Variants in R3HDM2 observed in about 807,000 individuals in gnomAD.
R3HDM2 encodes R3H domain-containing protein 2.
A neutral mutation model predicts 124.5 loss-of-function variants in R3HDM2; 38 were observed. The ratio of observed to expected loss-of-function variants is 0.31; its 90% confidence interval spans 0.24 to 0.40. The LOEUF is 0.40. Ranked by LOEUF, R3HDM2 falls within the 10% of genes least tolerant of loss-of-function variation. The probability of loss-of-function intolerance (pLI) is 1.00; values close to 1 mark genes in which losing one functional copy is unlikely to be tolerated. For synonymous variants in R3HDM2, 391 were observed against 448.0 expected, an observed-to-expected ratio of 0.87 and a Z score of 1.61; for missense variants, 869 against 1,236.9, an observed-to-expected ratio of 0.70 and a Z score of 4.46.
chr12:57,388,206 C>A (rs993169092), intron 2 of R3HDM2, among the ~76,000 whole-genome samples: 26 of 152,020 alleles, frequency 1.7e-4, no homozygotes, highest in African/African-American at 5.5e-4. Context: ...CTCAGGTGAT[C>A]TGCCCGCCTC....
intron 18 of R3HDM2, among the ~76,000 whole-genome samples, chr12:57,267,949 A>C (rs1158543094): frequency 6.6e-6 from 1 of 152,260 alleles, no homozygotes; most frequent in African/African-American, 2.4e-5. Context: ...TTTCATTGAT[A>C]AACAGAGGTA....
At chr12:57,310,200 C>A in intron 3 of R3HDM2, 64 bp downstream of exon 3, 1 of 1,216,932 alleles carries the variant, frequency 8.2e-7, no homozygotes, top group South Asian at 1.8e-5. Flanking sequence ...ACAGACAGAG[C>A]TGGGTAACCC....
rs1279892811 is a variant in R3HDM2 at position 57,360,028 on chromosome 12, C to CAT, written c.-36+35719_-36+35720dup. Among the ~76,000 whole-genome samples, 871 of 94,102 alleles carry CAT rather than the reference C, an allele frequency of 9.3e-3. 18 individuals carry two copies. The highest frequency in any genetic ancestry group is 0.029 in the African/African-American group (818 of 27,948). 61.7% of individuals were successfully genotyped at this position (94,102 alleles called of 152,430 possible). A position where few individuals can be genotyped will look rare whatever the true frequency, so the allele number is the denominator to read the frequency against. Reference sequence around the variant, plus strand: ...ATAAATATATATATATATATACACACATATATATATATATATATATTTTTT... The same window carrying CAT: ...ATAAATATATATATATATATACACACATATATATATATATATATATATTTTTT... On this transcript the variant is annotated intron_variant, in intron 2 of 23. Coordinates refer to ENST00000402412, the MANE Select transcript of R3HDM2 (RefSeq NM_001394031.1).
intron 2 of R3HDM2, among the ~76,000 whole-genome samples, chr12:57,327,176 A>G (rs191791987): frequency 6.6e-6 from 1 of 152,260 alleles, no homozygotes; most frequent in Admixed American, 6.5e-5. Context: ...TAAGAAATAC[A>G]TTTTGTAGGG....
chr12:57,393,421 G>A (rs1292741588), intron 2 of R3HDM2, among the ~76,000 whole-genome samples: 2 of 152,082 alleles, frequency 1.3e-5, no homozygotes, highest in South Asian at 2.1e-4. Flanking sequence ...ACTTGAACTC[G>A]TAGTGCCTGT....
rs545290027 is a variant in R3HDM2 at position 57,331,927 on chromosome 12, A to T, written c.-35-21464T>A. ...AGACTCTGTCTAAAAAAAAAAAAAA[A>T]TTTTTTTTTTTAATTAGCTAGGCAT... On this transcript the variant is annotated intron_variant, in intron 2 of 23. Transcript: ENST00000402412. Among the ~76,000 whole-genome samples, 301 of 147,414 alleles carry T rather than the reference A, an allele frequency of 2.0e-3. 1 individual carries two copies. Among genetic ancestry groups the T allele is most frequent in the South Asian group, 0.018 (81 of 4,590 alleles).
At chr12:57,370,602 T>G (rs1440888033) in intron 2 of R3HDM2, among the ~76,000 whole-genome samples, 2 of 152,014 alleles carry the variant, frequency 1.3e-5, no homozygotes, top group Non-Finnish European at 2.9e-5. Flanking sequence ...ATCGCGCCAT[T>G]GCACTCCAGC....
intron 1 of R3HDM2, among the ~76,000 whole-genome samples, chr12:57,412,797 A>T (rs1265747901): frequency 2.0e-5 from 3 of 151,760 alleles, no homozygotes; most frequent in Non-Finnish European, 4.4e-5. Flanking sequence ...CAAGGTCAGG[A>T]GTTCGAGACC....
At chr12:57,334,894 T>C (rs1299134374) in intron 2 of R3HDM2, among the ~76,000 whole-genome samples, 1 of 151,674 alleles carries the variant, frequency 6.6e-6, no homozygotes, top group East Asian at 2.0e-4. Flanking sequence ...TCCCAGCACT[T>C]TGAGAGGCCA....
At chr12:57,341,438 GAA>G (rs2059554216) in intron 2 of R3HDM2, 1 of 983,648 alleles carries the variant, frequency 1.0e-6, no homozygotes, top group African/African-American at 1.7e-5. Context: ...CCTCTCAGAA[GAA>G]AAAGACTGCA....
intron 2 of R3HDM2, among the ~76,000 whole-genome samples, chr12:57,365,749 A>G (rs2062563967): frequency 1.3e-5 from 2 of 152,152 alleles, no homozygotes; most frequent in African/African-American, 4.8e-5. Context: ...CAGCCTGGCC[A>G]ACATGGTGAA....
intron 2 of R3HDM2, among the ~76,000 whole-genome samples, chr12:57,331,485 A>G (rs972836478): frequency 2.0e-5 from 3 of 152,168 alleles, no homozygotes; most frequent in African/African-American, 7.2e-5. Context: ...CCCAAGGTAC[A>G]CTCAAAGAGG....
intron 2 of R3HDM2, among the ~76,000 whole-genome samples, chr12:57,341,776 G>T (rs1163826961): frequency 6.6e-6 from 1 of 152,134 alleles, no homozygotes. Context: ...CGGATAGCTG[G>T]GTAATGACAC....
rs1285754463 is a variant in R3HDM2, at chr12:57,310,270, C to G, written c.159G>C (p.Glu53Asp). ...ATGCATTTCCAATCGTTACCTGTGT[C>G]TCCTGACGCAAACTGGTATCTTCAC... ...KECEDTSLRQ[E>D]TQRRTSNHGH... Residue 53 changes from glutamate (E) to aspartate (D), a missense_variant, in exon 3 of 24, where the codon GAG (glutamate) becomes GAC (aspartate). By Grantham distance (45) the Glu-to-Asp change is conservative. Around this residue, in one of 2 missense-constraint regions of R3HDM2, gnomAD observed 267 missense variants for 447.7 expected, o/e 0.60. Coordinates refer to ENST00000402412, the MANE Select transcript of R3HDM2 (RefSeq NM_001394031.1). 1.3e-6 allele frequency: 2 copies of G among 1,532,508 alleles called. No individual in the cohort carries two copies. The highest frequency in any genetic ancestry group is 2.8e-5 in the African/African-American group (2 of 71,312). 94.9% of individuals were successfully genotyped at this position (1,532,508 alleles called of 1,614,324 possible). A position where few individuals can be genotyped will look rare whatever the true frequency, so the allele number is the denominator to read the frequency against.
At position 57,258,872 on chromosome 12, in the gene R3HDM2, G is replaced by A. The variant is rs368616255; in HGVS notation, c.2301+18C>T. 1.7e-5 allele frequency: 25 copies of A among 1,501,258 alleles called. No homozygotes were observed. In the African/African-American group the frequency reaches 3.0e-4, roughly 18 times the overall value. 93.0% of individuals were successfully genotyped at this position (1,501,258 alleles called of 1,614,324 possible). A position where few individuals can be genotyped will look rare whatever the true frequency, so the allele number is the denominator to read the frequency against. On this transcript the variant is annotated intron_variant, in intron 20 of 23. Transcript: ENST00000402412. ...ACGGTCATCTCCTTGCCAAGACAAG[G>A]CTGAGTGCTGCACTCACCTGGGGGC...
At chr12:57,398,695 G>A (rs2067798149) in intron 1 of R3HDM2, among the ~76,000 whole-genome samples, 1 of 152,172 alleles carries the variant, frequency 6.6e-6, no homozygotes, top group Non-Finnish European at 1.5e-5. Context: ...CACCATGTTA[G>A]TCAGGCTGGT....
intron 10 of R3HDM2, 76 bp downstream of exon 10, chr12:57,295,323 C>G (rs1016414892): frequency 1.0e-6 from 1 of 990,398 alleles, no homozygotes; most frequent in African/African-American, 1.6e-5. Flanking sequence ...TTCTCCATCC[C>G]ACAAAAATTC....
At chr12:57,257,691 A>G (rs2039471372) in intron 21 of R3HDM2, among the ~76,000 whole-genome samples, 1 of 152,200 alleles carries the variant, frequency 6.6e-6, no homozygotes, top group Non-Finnish European at 1.5e-5. Context: ...TGGTACTGAT[A>G]TTAGGTTAAA....
intron 2 of R3HDM2, among the ~76,000 whole-genome samples, chr12:57,356,445 GATT>G (rs1485886705): frequency 2.6e-5 from 4 of 152,248 alleles, no homozygotes; most frequent in Non-Finnish European, 4.4e-5. Context: ...AACCCTACTT[GATT>G]ATGATGTATT....
Sources: allele counts gnomAD v4.1 joint callset (sites outside exome capture counted in the v4.1 genomes callset), GRCh38; gene constraint gnomAD v4.1.1; regional missense constraint gnomAD v4.1.1; transcripts MANE v1.5; gene names NCBI Gene and HGNC (gene_info 2026-07-23, HGNC 2026-07-21).